RPTOR: variants seen among roughly 807,000 people sequenced by gnomAD.
The protein encoded by RPTOR is regulatory-associated protein of mTOR.
RPTOR carries 21 observed loss-of-function variants against 169.9 expected under a neutral mutation model. The ratio of observed to expected loss-of-function variants is 0.12; its 90% CI spans 0.09 to 0.18. The LOEUF is 0.18. RPTOR is among the 10% of genes least tolerant of loss of function. The pLI is 1.00. For synonymous variants in RPTOR, 732 were observed against 753.2 expected (o/e 0.97, Z 0.46); for missense variants, 1,133 against 1,855.9 (o/e 0.61, Z 7.16).
intron 7 of RPTOR, chr17:80,802,565 G>A (rs1020332981): frequency 6.6e-6 from 1 of 151,998 alleles, no homozygotes; most frequent in Non-Finnish European, 1.5e-5. Flanking sequence ...CTGCACTCCA[G>A]CCTGGCGACA....
At chr17:80,550,932 G>T (rs2084336224) in intron 1 of RPTOR, among the ~76,000 whole-genome samples, 1 of 152,112 alleles carries the variant, frequency 6.6e-6, no homozygotes. Flanking sequence ...TTGTTTCTCA[G>T]GCTGGAGTGC....
chr17:80,812,997 C>G (rs1299400757), intron 7 of RPTOR, among the ~76,000 whole-genome samples: 2 of 152,238 alleles, frequency 1.3e-5, no homozygotes, highest in African/African-American at 4.8e-5. Flanking sequence ...CTCTTGTTCC[C>G]GTTCCTGTCC....
chr17:80,685,823 G>A (rs1272113916), intron 3 of RPTOR, among the ~76,000 whole-genome samples: 8 of 150,814 alleles, frequency 5.3e-5, no homozygotes, highest in Non-Finnish European at 1.2e-4. Flanking sequence ...AGTCGTAAGC[G>A]TAAGATGGAC....
At chr17:80,831,676 T>C (rs191437109) in intron 9 of RPTOR, among the ~76,000 whole-genome samples, 23 of 152,320 alleles carry the variant, frequency 1.5e-4, no homozygotes, top group Admixed American at 1.4e-3. Context: ...TCCCTGTGTA[T>C]CCTTGTGTAT....
Position 80,964,871 on chromosome 17 carries a change from T to G in RPTOR, c.*541T>G. On this transcript the variant is annotated 3_prime_UTR_variant, in exon 34 of 34. Transcript: ENST00000306801. ...TAGCCAGCTGGGGGACACTGGAAAT[T>G]CGGGAAACCAAGAGAGAGGAAGAAG... The G allele has an allele frequency of 8.5e-6, 2 of 233,944 alleles. No individual in the cohort carries two copies. The highest frequency in any genetic ancestry group is 1.2e-4 in the East Asian group (2 of 16,582). 14.5% of individuals were successfully genotyped at this position (233,944 alleles called of 1,614,324 possible).
intron 6 of RPTOR, among the ~76,000 whole-genome samples, chr17:80,790,618 G>A (rs770629315): frequency 2.6e-5 from 4 of 152,010 alleles, no homozygotes; most frequent in Admixed American, 6.6e-5. Flanking sequence ...CCCTCCCCTG[G>A]GCCACTGTCC....
At chr17:80,834,096 G>A (rs905102655) in intron 9 of RPTOR, among the ~76,000 whole-genome samples, 3 of 152,206 alleles carry the variant, frequency 2.0e-5, no homozygotes, top group South Asian at 2.1e-4. Context: ...CCACGGCCCC[G>A]AGAGGGCCTC....
At chr17:80,583,661 G>A (rs1443475690) in intron 1 of RPTOR, among the ~76,000 whole-genome samples, 1 of 152,192 alleles carries the variant, frequency 6.6e-6, no homozygotes, top group African/African-American at 2.4e-5. Context: ...TCATCCACTG[G>A]CCTCCCAACC....
intron 3 of RPTOR, among the ~76,000 whole-genome samples, chr17:80,690,820 G>A (rs191266642): frequency 6.1e-4 from 93 of 152,138 alleles, no homozygotes; most frequent in African/African-American, 2.0e-3. Context: ...TGCAACAGGG[G>A]ATCTCACTTG....
chr17:80,784,890 T>A (rs2066976954), intron 6 of RPTOR, among the ~76,000 whole-genome samples: 1 of 151,884 alleles, frequency 6.6e-6, no homozygotes, highest in Non-Finnish European at 1.5e-5. Context: ...GTTGTTGTTG[T>A]TTTGTTTGTT....
intron 10 of RPTOR, among the ~76,000 whole-genome samples, chr17:80,842,474 C>T (rs1216216066): frequency 1.3e-5 from 2 of 152,140 alleles, no homozygotes; most frequent in African/African-American, 4.8e-5. Flanking sequence ...CAGGGTTTGC[C>T]CATATTCAGC....
chr17:80,632,705 T>G (rs2065451483), intron 2 of RPTOR, among the ~76,000 whole-genome samples: 1 of 152,204 alleles, frequency 6.6e-6, no homozygotes, highest in South Asian at 2.1e-4. Flanking sequence ...GATGGTGGTT[T>G]TAACAATATG....
intron 3 of RPTOR, among the ~76,000 whole-genome samples, chr17:80,647,571 A>C (rs1241433503): frequency 6.6e-6 from 1 of 150,724 alleles, no homozygotes. Flanking sequence ...CAGAGGCCAC[A>C]CCTCTTTACT....
At chr17:80,736,165 C>T (rs898938593) in intron 5 of RPTOR, among the ~76,000 whole-genome samples, 2 of 150,676 alleles carry the variant, frequency 1.3e-5, no homozygotes, top group Non-Finnish European at 3.0e-5. Flanking sequence ...AGTGAGACCC[C>T]ATCTCTTAAA....
At position 80,959,884 on chromosome 17, in the gene RPTOR, C is replaced by T. The variant is rs904382315; in HGVS notation, c.3478-194C>T. Among the ~76,000 whole-genome samples the T allele has an allele frequency of 6.6e-6, 1 of 152,176 alleles. No homozygotes were observed. The highest frequency in any genetic ancestry group is 1.5e-5 in the Non-Finnish European group (1 of 68,016). ...AGGGCGTGACTCATTGTCCTGCCAG[C>T]CCCTGCCTCTCCCTGGGACTCCTGG... On this transcript the variant is annotated intron_variant, in intron 29 of 33. Coordinates refer to ENST00000306801, the MANE Select transcript of RPTOR (RefSeq NM_020761.3). This position sits in a 1 kb window ranked among gnomAD's most constrained non-coding sequence, Gnocchi z 6.7.
Position 80,945,708 on chromosome 17 carries a change from C to T in RPTOR, c.3067C>T (p.Pro1023Ser), listed in dbSNP as rs2144053348. ...LDDQIFLNRN[P>S]GVPSVVKFHP... ...CGACCAAATATTTCTGAACAGGAACCCCGGCGTCCCCTCTGTGGTGAAATT... is the reference window on the plus strand; with the variant it reads ...CGACCAAATATTTCTGAACAGGAACTCCGGCGTCCCCTCTGTGGTGAAATT... Residue 1023 changes from proline (P) to serine (S), a missense_variant, in exon 26 of 34, where the codon CCC (proline) becomes TCC (serine). Around this residue, in one of 9 missense-constraint regions of RPTOR, gnomAD observed 410 missense variants for 623.7 expected, o/e 0.66. Coordinates refer to ENST00000306801, the MANE Select transcript of RPTOR (RefSeq NM_020761.3). 6.2e-7 allele frequency: 1 copy of T among 1,611,832 alleles called. No individual in the cohort carries two copies. Among genetic ancestry groups the T allele is most frequent in the Non-Finnish European group, 8.5e-7 (1 of 1,179,226 alleles).
At chr17:80,667,628 C>T (rs1188015878) in intron 3 of RPTOR, among the ~76,000 whole-genome samples, 1 of 152,180 alleles carries the variant, frequency 6.6e-6, no homozygotes, top group Non-Finnish European at 1.5e-5. Flanking sequence ...CACCCATGAC[C>T]TTTGTTTAGC....
rs1029224042 is a variant in RPTOR, at chr17:80,695,233, C to A, written c.349-12608C>A. Among the ~76,000 whole-genome samples, 1 of 152,224 alleles carries A rather than the reference C, an allele frequency of 6.6e-6. No homozygotes were observed. The highest frequency in any genetic ancestry group is 2.4e-5 in the African/African-American group (1 of 41,462). On this transcript the variant is annotated intron_variant, in intron 3 of 33. Transcript: ENST00000306801. The surrounding 1 kb of genome is among the most constrained non-coding windows in gnomAD (Gnocchi z 4.9). ...CGACCCGTGCTGTGCGGGTCACTCA[C>A]CCCCACATTGTCTGCCACGGGGGCC... is the stretch of plus-strand genomic sequence containing the variant.
chr17:80,893,308 TGCGCCAGGTGTGTGC>T (rs1249723102), intron 19 of RPTOR, among the ~76,000 whole-genome samples: 4 of 140,306 alleles, frequency 2.9e-5, no homozygotes, highest in African/African-American at 5.4e-5. Flanking sequence ...GGTGTGTGTG[TGCGCCAGGTGTGTGC>T]GCGCGCCAGG....
Sources: allele counts gnomAD v4.1 joint callset (sites outside exome capture counted in the v4.1 genomes callset), GRCh38; gene constraint gnomAD v4.1.1; regional missense constraint gnomAD v4.1.1; non-coding constraint Gnocchi (gnomAD v3.1); transcripts MANE v1.5; gene names NCBI Gene and HGNC (gene_info 2026-07-23, HGNC 2026-07-21).